Variants in DLG2 observed in about 807,000 individuals in gnomAD.
DLG2 encodes disks large homolog 2.
A neutral mutation model predicts 132.5 loss-of-function variants in DLG2; 45 were observed. That is an observed-to-expected ratio of 0.34 (90% CI 0.27 to 0.44). The LOEUF (loss-of-function observed/expected upper bound fraction) is 0.44, where lower values mean the gene tolerates loss of function less well. Among genes scored for constraint, DLG2 ranks in the 20% least tolerant of loss-of-function variants. The pLI is 1.00. For missense variants in DLG2, 1,045 were observed against 1,196.9 expected, an observed-to-expected ratio of 0.87 and a Z score of 1.87; for synonymous variants, 424 against 419.6, an observed-to-expected ratio of 1.01 and a Z score of -0.13.
At chr11:84,214,197 A>G (rs1381208029) in intron 8 of DLG2, among the ~76,000 whole-genome samples, 1 of 147,860 alleles carries the variant, frequency 6.8e-6, no homozygotes, top group Non-Finnish European at 1.5e-5. Context: ...GGGTCTTCAT[A>G]TATATATACA....
chr11:84,889,537 G>A (rs1194800910), intron 6 of DLG2, among the ~76,000 whole-genome samples: 1 of 152,138 alleles, frequency 6.6e-6, no homozygotes, highest in African/African-American at 2.4e-5. Context: ...GGAACTGTCT[G>A]AAGGGACAAA....
At chr11:84,027,143 C>T (rs901922257) in intron 11 of DLG2, among the ~76,000 whole-genome samples, 1 of 152,072 alleles carries the variant, frequency 6.6e-6, no homozygotes, top group Non-Finnish European at 1.5e-5. Context: ...TCAAAATTAA[C>T]TATTGACCCC....
At chr11:85,592,478 CCT>C (rs1163941884) in intron 3 of DLG2, among the ~76,000 whole-genome samples, 1 of 152,162 alleles carries the variant, frequency 6.6e-6, no homozygotes, top group Non-Finnish European at 1.5e-5. Context: ...CTAGGAAATG[CCT>C]CTCTCACATG....
intron 3 of DLG2, among the ~76,000 whole-genome samples, chr11:85,291,857 T>C (rs2078914660): frequency 6.6e-6 from 1 of 152,094 alleles, no homozygotes; most frequent in South Asian, 2.1e-4. Context: ...AGTGCTGGGA[T>C]TACAGGCATA....
chr11:83,634,359 G>A (rs1435422123), intron 18 of DLG2, among the ~76,000 whole-genome samples: 1 of 152,134 alleles, frequency 6.6e-6, no homozygotes, highest in Non-Finnish European at 1.5e-5. Context: ...CAATGAACAT[G>A]TAAAAAGAAA....
chr11:83,506,423 T>C (rs1458569327), intron 21 of DLG2, among the ~76,000 whole-genome samples: 3 of 152,156 alleles, frequency 2.0e-5, no homozygotes, highest in Non-Finnish European at 4.4e-5. Context: ...AAAGCATTGA[T>C]TTTTGAGTGT....
chr11:84,545,398 G>A (rs969815641), intron 6 of DLG2: 10 of 507,154 alleles, frequency 2.0e-5, no homozygotes, highest in African/African-American at 9.7e-5. Flanking sequence ...CAACCACCAC[G>A]GCTGCCACCA....
intron 6 of DLG2, among the ~76,000 whole-genome samples, chr11:84,591,452 G>C (rs894708109): frequency 2.0e-5 from 3 of 151,550 alleles, no homozygotes; most frequent in Non-Finnish European, 4.4e-5. Flanking sequence ...GGATCACTTG[G>C]GGTCAGGAGT....
chr11:84,282,294 T>C (rs1379790664), intron 7 of DLG2, among the ~76,000 whole-genome samples: 1 of 152,108 alleles, frequency 6.6e-6, no homozygotes, highest in Non-Finnish European at 1.5e-5. Flanking sequence ...TATAAAATTA[T>C]AGAAAATGCA....
chr11:85,603,164 T>C (rs1340551706), intron 2 of DLG2, among the ~76,000 whole-genome samples: 1 of 152,244 alleles, frequency 6.6e-6, no homozygotes, highest in African/African-American at 2.4e-5. Flanking sequence ...CTTTAATTTT[T>C]AAAAATGATT....
At chr11:84,237,615 C>A (rs2097174455) in intron 8 of DLG2, among the ~76,000 whole-genome samples, 3 of 152,136 alleles carry the variant, frequency 2.0e-5, no homozygotes. Flanking sequence ...GAAGAGGAAA[C>A]TATACTTTGT....
intron 6 of DLG2, among the ~76,000 whole-genome samples, chr11:85,074,611 G>T (rs1232719623): frequency 1.3e-5 from 2 of 151,814 alleles, no homozygotes; most frequent in Non-Finnish European, 2.9e-5. Context: ...AACAGTAGAA[G>T]AATACTGGAC....
At chr11:83,495,648 T>C (rs1355405337) in intron 21 of DLG2, among the ~76,000 whole-genome samples, 3 of 152,164 alleles carry the variant, frequency 2.0e-5, no homozygotes, top group Admixed American at 2.0e-4. Flanking sequence ...TTATAATAAC[T>C]ATGGCTCTCC....
chr11:85,151,845 T>A (rs1238742079), intron 5 of DLG2, among the ~76,000 whole-genome samples: 3 of 152,224 alleles, frequency 2.0e-5, no homozygotes, highest in African/African-American at 7.2e-5. Flanking sequence ...GTTCTTATTC[T>A]CCAAAATTGA....
At chr11:85,074,598 G>A (rs1340498433) in intron 6 of DLG2, among the ~76,000 whole-genome samples, 1 of 151,870 alleles carries the variant, frequency 6.6e-6, no homozygotes, top group East Asian at 1.9e-4. Context: ...GATCATTTCT[G>A]TTAACAGTAG....
chr11:84,422,534 T>C (rs937692305), intron 7 of DLG2, among the ~76,000 whole-genome samples: 1 of 152,184 alleles, frequency 6.6e-6, no homozygotes, highest in Non-Finnish European at 1.5e-5. Flanking sequence ...TCAAAATTTA[T>C]AAAGACAGTT....
At chr11:85,147,811 C>T (rs919091334) in intron 5 of DLG2, among the ~76,000 whole-genome samples, 6 of 152,100 alleles carry the variant, frequency 3.9e-5, no homozygotes, top group African/African-American at 1.2e-4. Context: ...CATAGGTATA[C>T]GTGTGCCATG....
At chr11:85,097,496 T>C (rs1245413350) in intron 6 of DLG2, among the ~76,000 whole-genome samples, 1 of 152,162 alleles carries the variant, frequency 6.6e-6, no homozygotes, top group Non-Finnish European at 1.5e-5. Flanking sequence ...TATACACAGA[T>C]TTGAATGAGC....
intron 6 of DLG2, among the ~76,000 whole-genome samples, chr11:84,772,296 A>G (rs1337284614): frequency 6.6e-6 from 1 of 152,290 alleles, no homozygotes; most frequent in East Asian, 1.9e-4. Context: ...GATTCATAAA[A>G]CATGCACTTC....
Sources: allele counts gnomAD v4.1 joint callset (sites outside exome capture counted in the v4.1 genomes callset), GRCh38; gene constraint gnomAD v4.1.1; transcripts MANE v1.5; gene names NCBI Gene and HGNC (gene_info 2026-07-23, HGNC 2026-07-21).